Variants in SYNPO2 observed in about 807,000 individuals in gnomAD.
SYNPO2 encodes the protein synaptopodin-2.
SYNPO2 carries 56 observed loss-of-function variants against 85.0 expected under a neutral mutation model. That is an observed-to-expected ratio of 0.66 (90% CI 0.53 to 0.82). The LOEUF (loss-of-function observed/expected upper bound fraction) is 0.82, where lower values mean the gene tolerates loss of function less well. SYNPO2 is among the 40% of genes least tolerant of loss of function. The pLI, the probability that SYNPO2 is intolerant of heterozygous loss-of-function variation, is 0.00. For missense variants in SYNPO2, 1,575 were observed against 1,534.2 expected, an observed-to-expected ratio of 1.03 and a Z score of -0.44; for synonymous variants, 602 against 591.1, an observed-to-expected ratio of 1.02 and a Z score of -0.27.
chr4:119,037,118 T>C (rs1181483294), intron 4 of SYNPO2: 17 of 1,538,624 alleles, frequency 1.1e-5, no homozygotes, highest in Non-Finnish European at 1.5e-5. Flanking sequence ...ACAGGTGAAA[T>C]GTAAATCTGG....
intron 4 of SYNPO2, among the ~76,000 whole-genome samples, chr4:119,039,100 A>C (rs1161087117): frequency 1.3e-5 from 2 of 152,184 alleles, no homozygotes; most frequent in Non-Finnish European, 2.9e-5. Context: ...ACCACTAATA[A>C]GGTAACAATT....
intron 1 of SYNPO2, among the ~76,000 whole-genome samples, chr4:118,955,597 A>G (rs1204098046): frequency 6.6e-6 from 1 of 152,218 alleles, no homozygotes; most frequent in East Asian, 1.9e-4. Flanking sequence ...CATTCTCAGC[A>G]GGAAGAAAGG....
chr4:118,871,790 CGAT>C (rs1315212590), intron 1 of SYNPO2, among the ~76,000 whole-genome samples: 1 of 152,070 alleles, frequency 6.6e-6, no homozygotes, highest in Non-Finnish European at 1.5e-5. Context: ...AGGATGATCT[CGAT>C]CTCCTGACCT....
chr4:118,908,347 A>G (rs967165505), intron 1 of SYNPO2, among the ~76,000 whole-genome samples: 7 of 152,146 alleles, frequency 4.6e-5, no homozygotes, highest in African/African-American at 1.7e-4. Context: ...CTTTTGGCTG[A>G]TAAAATAAGT....
chr4:119,035,339 C>G lies in SYNPO2; in HGVS notation c.3252+3312C>G, dbSNP rs191754476. 5.1e-5 allele frequency: 50 copies of G among 985,366 alleles called. No homozygotes were observed. In the African/African-American group the frequency reaches 7.3e-4, roughly 14 times the overall value. 61.0% of individuals were successfully genotyped at this position (985,366 alleles called of 1,614,324 possible). ...GTAAGTACAGCATATTCCCCTCAGT[C>G]TTCTAGGAGGGCAGAGTGAATCCCA... On this transcript the variant is annotated intron_variant, in intron 4 of 4. Coordinates refer to ENST00000307142, the MANE Select transcript of SYNPO2 (RefSeq NM_133477.3).
intron 1 of SYNPO2, among the ~76,000 whole-genome samples, chr4:118,978,134 T>C (rs576907367): frequency 2.6e-5 from 4 of 152,358 alleles, no homozygotes; most frequent in Non-Finnish European, 2.9e-5. Context: ...TCATAACTTA[T>C]TGATTTTCTA....
At chr4:118,855,504 C>A (rs1731490511) in intron 1 of SYNPO2, among the ~76,000 whole-genome samples, 1 of 151,976 alleles carries the variant, frequency 6.6e-6, no homozygotes, top group East Asian at 1.9e-4. Flanking sequence ...AGATATCGCA[C>A]AACTGTAGAG....
At chr4:118,989,858 C>T (rs1736344534) in intron 1 of SYNPO2, among the ~76,000 whole-genome samples, 1 of 152,174 alleles carries the variant, frequency 6.6e-6, no homozygotes, top group African/African-American at 2.4e-5. Flanking sequence ...CCAAGAGTCC[C>T]TGAGAGTAAG....
intron 1 of SYNPO2, among the ~76,000 whole-genome samples, chr4:119,017,749 T>C (rs931056680): frequency 6.6e-6 from 1 of 152,202 alleles, no homozygotes; most frequent in African/African-American, 2.4e-5. Flanking sequence ...GAGATTGTCT[T>C]GTTTCTATCA....
chr4:118,938,204 G>C (rs547901272), intron 1 of SYNPO2, among the ~76,000 whole-genome samples: 1 of 151,994 alleles, frequency 6.6e-6, no homozygotes, highest in East Asian at 1.9e-4. Flanking sequence ...CTGCAGTCCC[G>C]GCTATTTGGG....
chr4:118,936,541 A>G (rs1734109384), intron 1 of SYNPO2, among the ~76,000 whole-genome samples: 1 of 152,182 alleles, frequency 6.6e-6, no homozygotes, highest in Non-Finnish European at 1.5e-5. Context: ...CTGAACTCTC[A>G]GGTCACTGAC....
chr4:118,875,067 T>G (rs1731878848), intron 1 of SYNPO2, among the ~76,000 whole-genome samples: 1 of 152,186 alleles, frequency 6.6e-6, no homozygotes, highest in Admixed American at 6.5e-5. Flanking sequence ...GTCCATATGT[T>G]CTCATCATTC....
intron 1 of SYNPO2, among the ~76,000 whole-genome samples, chr4:118,987,141 G>A (rs1440398616): frequency 1.3e-5 from 2 of 152,144 alleles, no homozygotes; most frequent in Non-Finnish European, 2.9e-5. Flanking sequence ...ACAGGAAAAT[G>A]TTAATTGACT....
At chr4:118,953,265 A>G (rs1443613082) in intron 1 of SYNPO2, among the ~76,000 whole-genome samples, 1 of 152,138 alleles carries the variant, frequency 6.6e-6, no homozygotes, top group Non-Finnish European at 1.5e-5. Context: ...CATTGATTCT[A>G]ATTTGACGCT....
At chr4:119,045,049 G>A (rs1738833954) in intron 4 of SYNPO2, among the ~76,000 whole-genome samples, 2 of 152,080 alleles carry the variant, frequency 1.3e-5, no homozygotes, top group South Asian at 4.1e-4. Context: ...TTTGTTACAT[G>A]GTATGCACAC....
chr4:119,057,193 G>A lies in SYNPO2; in HGVS notation c.3253-208G>A, dbSNP rs544249815. Among the ~76,000 whole-genome samples the A allele has an allele frequency of 3.9e-5, 6 of 152,272 alleles. No homozygotes were observed. In the South Asian group the frequency reaches 1.0e-3, roughly 26 times the overall value. ...GTGCAAAAGGTAAGATCAAGTGGCA[G>A]CCCACCATTTGCACTTGGCCCACTT... On this transcript the variant is annotated intron_variant, in intron 4 of 4. Coordinates refer to ENST00000307142, the MANE Select transcript of SYNPO2 (RefSeq NM_133477.3).
At chr4:119,005,376 C>G (rs997119749) in intron 1 of SYNPO2, among the ~76,000 whole-genome samples, 1 of 151,972 alleles carries the variant, frequency 6.6e-6, no homozygotes, top group African/African-American at 2.4e-5. Context: ...ACATTATAGT[C>G]TTTAATCCAT....
At chr4:118,977,396 G>A (rs1490681049) in intron 1 of SYNPO2, among the ~76,000 whole-genome samples, 1 of 152,338 alleles carries the variant, frequency 6.6e-6, no homozygotes, top group Non-Finnish European at 1.5e-5. Flanking sequence ...GCCCGCAAGC[G>A]CGGCACGCAG....
At chr4:118,952,294 A>G (rs1434548804) in intron 1 of SYNPO2, among the ~76,000 whole-genome samples, 1 of 152,180 alleles carries the variant, frequency 6.6e-6, no homozygotes, top group Non-Finnish European at 1.5e-5. Flanking sequence ...CACATAGAGG[A>G]TTGTTCCTTC....
Sources: gnomAD v4.1 joint callset for allele counts (sites outside exome capture counted in the v4.1 genomes callset) on GRCh38, gnomAD v4.1.1 for gene constraint, MANE v1.5 for transcripts, NCBI Gene and HGNC (gene_info 2026-07-23, HGNC 2026-07-21) for gene names.